The following RNF150 variants were observed in gnomAD, a reference collection of about 807,000 sequenced individuals.
RNF150 encodes ring finger protein 150.
In RNF150, 24 loss-of-function variants were observed where a neutral mutation model predicts 39.3. The ratio of observed to expected loss-of-function variants is 0.61; its 90% confidence interval spans 0.44 to 0.86. RNF150 has a LOEUF of 0.86. Ranked by LOEUF, RNF150 falls within the 40% of genes least tolerant of loss-of-function variation. The probability of loss-of-function intolerance (pLI) is 0.00; values close to 1 mark genes in which losing one functional copy is unlikely to be tolerated. For missense variants in RNF150, 502 were observed against 587.8 expected (o/e 0.85, Z 1.51); for synonymous variants, 255 against 227.3 (o/e 1.12, Z -1.10).
chr4:140,937,550 C>T (rs62325700), intron 4 of RNF150, among the ~76,000 whole-genome samples: 10,926 of 152,030 alleles, frequency 0.072, 458 homozygotes, highest in Middle Eastern at 0.11. Context: ...CGTGAGCCAC[C>T]GCATCCAGCC....
chr4:140,883,756 G>A (rs779701824), intron 6 of RNF150, among the ~76,000 whole-genome samples: 10 of 152,090 alleles, frequency 6.6e-5, no homozygotes, highest in Non-Finnish European at 1.5e-4. Context: ...GTGTCTCAGT[G>A]TAGACCTCTT....
intron 1 of RNF150, among the ~76,000 whole-genome samples, chr4:141,118,885 C>T (rs1418088605): frequency 2.0e-5 from 3 of 152,076 alleles, no homozygotes; most frequent in Non-Finnish European, 4.4e-5. Context: ...CTCAGCCTCC[C>T]GGGTAGCTGG....
At chr4:141,075,806 T>G (rs777729699) in intron 1 of RNF150, among the ~76,000 whole-genome samples, 12 of 152,144 alleles carry the variant, frequency 7.9e-5, no homozygotes, top group Non-Finnish European at 1.3e-4. Context: ...GAAGATAATT[T>G]TCTCAGTGGG....
intron 1 of RNF150, among the ~76,000 whole-genome samples, chr4:141,064,836 G>A (rs1737389913): frequency 6.6e-6 from 1 of 152,042 alleles, no homozygotes; most frequent in South Asian, 2.1e-4. Flanking sequence ...AGCTTTATAA[G>A]CTACACACTG....
chr4:141,158,682 G>A (rs1385665479), intron 1 of RNF150, among the ~76,000 whole-genome samples: 1 of 152,128 alleles, frequency 6.6e-6, no homozygotes, highest in African/African-American at 2.4e-5. Context: ...TTTTTACAAT[G>A]TACAGATAGT....
intron 1 of RNF150, among the ~76,000 whole-genome samples, chr4:141,126,325 C>T (rs995848811): frequency 1.3e-5 from 2 of 152,212 alleles, no homozygotes; most frequent in African/African-American, 2.4e-5. Context: ...GAAGTCCATC[C>T]TTAAATCCTG....
rs905797028 is a variant in RNF150, at chr4:140,867,467, C to T, written c.*794G>A. On this transcript the variant is annotated 3_prime_UTR_variant, in exon 7 of 7. Coordinates refer to ENST00000515673, the MANE Select transcript of RNF150 (RefSeq NM_020724.2). Reference sequence around the variant, plus strand: ...AGAATTTCAGCCAAAGACTGTAAGACCCAGAAGAATGAAACGGCTTCCCTA... The same window carrying T: ...AGAATTTCAGCCAAAGACTGTAAGATCCAGAAGAATGAAACGGCTTCCCTA... 4.6e-5 allele frequency: 7 copies of T among 152,156 alleles called. No individual in the cohort carries two copies. The highest frequency in any genetic ancestry group is 1.4e-4 in the African/African-American group (6 of 41,432). 9.4% of individuals were successfully genotyped at this position (152,156 alleles called of 1,614,324 possible).
At chr4:141,013,668 A>G (rs993066029) in intron 1 of RNF150, among the ~76,000 whole-genome samples, 14 of 152,238 alleles carry the variant, frequency 9.2e-5, no homozygotes, top group African/African-American at 3.4e-4. Flanking sequence ...AGAGAAAAGC[A>G]TGCTGAATTA....
chr4:141,169,078 C>T (rs560364359), intron 1 of RNF150, among the ~76,000 whole-genome samples: 28 of 152,206 alleles, frequency 1.8e-4, no homozygotes, highest in Non-Finnish European at 2.6e-4. Flanking sequence ...CCATATCTTA[C>T]GTTGAATTGT....
chr4:141,157,933 T>C (rs921555247), intron 1 of RNF150, among the ~76,000 whole-genome samples: 1 of 152,232 alleles, frequency 6.6e-6, no homozygotes, highest in African/African-American at 2.4e-5. Context: ...CCAATATTCT[T>C]TCCATTATCC....
At position 140,925,646 on chromosome 4, in the gene RNF150, C is replaced by T. The variant is rs564760997; in HGVS notation, c.987+331G>A. 1.4e-4 allele frequency among the ~76,000 whole-genome samples: 22 copies of T among 152,238 alleles called. No homozygotes were observed. In the East Asian group the frequency reaches 4.3e-3, roughly 29 times the overall value. Reference sequence around the variant, plus strand: ...AAGGGTGATGATGATGCAAGAGGTGCTCAGTGTGCAACTGGCCCGGGGTGT... The same window carrying T: ...AAGGGTGATGATGATGCAAGAGGTGTTCAGTGTGCAACTGGCCCGGGGTGT... On this transcript the variant is annotated intron_variant, in intron 5 of 6. Transcript: ENST00000515673.
At chr4:140,939,659 T>A (rs1732005115) in intron 4 of RNF150, among the ~76,000 whole-genome samples, 2 of 114,226 alleles carry the variant, frequency 1.8e-5, no homozygotes, top group Non-Finnish European at 1.9e-5. Context: ...TGTGTGTGTG[T>A]GTTTGAGTGA....
chr4:141,117,892 T>G (rs1303264073), intron 1 of RNF150, among the ~76,000 whole-genome samples: 1 of 152,230 alleles, frequency 6.6e-6, no homozygotes, highest in Non-Finnish European at 1.5e-5. Flanking sequence ...TAAATAAGTC[T>G]GGAACTGGAA....
At chr4:140,945,848 T>C (rs1242395005) in intron 4 of RNF150, among the ~76,000 whole-genome samples, 10 of 151,960 alleles carry the variant, frequency 6.6e-5, no homozygotes, top group South Asian at 4.1e-4. Flanking sequence ...AGTAATCGCA[T>C]AGGGCTCTAA....
intron 5 of RNF150, among the ~76,000 whole-genome samples, chr4:140,917,014 G>C (rs1730861999): frequency 6.6e-6 from 1 of 152,142 alleles, no homozygotes; most frequent in Non-Finnish European, 1.5e-5. Flanking sequence ...TCACCACCAG[G>C]CCTGCCCTAA....
At chr4:140,997,692 G>T (rs910689046) in intron 1 of RNF150, among the ~76,000 whole-genome samples, 1 of 141,102 alleles carries the variant, frequency 7.1e-6, no homozygotes, top group African/African-American at 2.7e-5. Flanking sequence ...TCCAGCCTGT[G>T]TGTGTATATA....
intron 1 of RNF150, among the ~76,000 whole-genome samples, chr4:141,149,600 T>C (rs775951662): frequency 6.6e-6 from 1 of 152,196 alleles, no homozygotes; most frequent in Non-Finnish European, 1.5e-5. Context: ...TATTCCATGG[T>C]ATTTATATAT....
chr4:141,141,780 C>G (rs1727121594), intron 1 of RNF150, among the ~76,000 whole-genome samples: 1 of 152,142 alleles, frequency 6.6e-6, no homozygotes, highest in South Asian at 2.1e-4. Flanking sequence ...CGAGCCACTG[C>G]ACTTCAGCCT....
At chr4:140,913,487 C>T (rs1319389748) in intron 5 of RNF150, among the ~76,000 whole-genome samples, 1 of 152,102 alleles carries the variant, frequency 6.6e-6, no homozygotes, top group African/African-American at 2.4e-5. Context: ...ACATTTGATC[C>T]AATCACCCTC....
Sources: gnomAD v4.1 joint callset for allele counts (sites outside exome capture counted in the v4.1 genomes callset) on GRCh38, gnomAD v4.1.1 for gene constraint, MANE v1.5 for transcripts, NCBI Gene and HGNC (gene_info 2026-07-23, HGNC 2026-07-21) for gene names.